Variants in CLNK observed in about 807,000 individuals in gnomAD.
The protein encoded by CLNK is cytokine-dependent hematopoietic cell linker.
CLNK carries 74 observed loss-of-function variants against 68.6 expected under a neutral mutation model. The observed-to-expected ratio is 1.08, with a 90% confidence interval of 0.89 to 1.31. The LOEUF is 1.31. CLNK is among the 50% of genes most tolerant of loss of function. The pLI is 0.00. For missense variants in CLNK, 553 were observed against 515.3 expected, an observed-to-expected ratio of 1.07 and a Z score of -0.71; for synonymous variants, 198 against 172.2, an observed-to-expected ratio of 1.15 and a Z score of -1.17.
chr4:10,626,240 C>G lies in CLNK; in HGVS notation c.12-28191G>C, dbSNP rs145866791. Among the ~76,000 whole-genome samples the G allele has an allele frequency of 3.6e-3, 554 of 152,320 alleles. 3 individuals carry two copies. Among genetic ancestry groups the G allele is most frequent in the African/African-American group, 9.5e-3 (395 of 41,580 alleles). On this transcript the variant is annotated intron_variant, in intron 2 of 18. Coordinates refer to ENST00000226951, the MANE Select transcript of CLNK (RefSeq NM_052964.4). The stretch of plus-strand genomic sequence containing the variant: ...CTGCATCTGTGGAGTGAGGTTTGCT[C>G]TGAGAGCAATGATCTGAGCAGCTTT...
At chr4:10,692,932 G>T in the CLNK span, among the ~76,000 whole-genome samples, 1 of 152,236 alleles carries the variant, frequency 6.6e-6, no homozygotes, top group Non-Finnish European at 1.5e-5. Flanking sequence ...TCCATACTAA[G>T]TCTTAGATCA....
the CLNK span, among the ~76,000 whole-genome samples, chr4:10,692,438 T>C: frequency 6.6e-6 from 1 of 152,160 alleles, no homozygotes; most frequent in South Asian, 2.1e-4. Context: ...CTGAACTTCT[T>C]TGCACAGCTT....
intron 2 of CLNK, among the ~76,000 whole-genome samples, chr4:10,666,735 A>G (rs1724410811): frequency 6.6e-6 from 1 of 152,234 alleles, no homozygotes; most frequent in Admixed American, 6.5e-5. Flanking sequence ...CACTCGGGTG[A>G]GGAGCCCATC....
the CLNK span, among the ~76,000 whole-genome samples, chr4:10,714,794 A>T: frequency 6.6e-6 from 1 of 152,114 alleles, no homozygotes; most frequent in Non-Finnish European, 1.5e-5. Context: ...CACTCTAGTT[A>T]ACAAAATCCT....
At position 10,615,343 on chromosome 4, in the gene CLNK, T is replaced by C. The variant is rs138287606; in HGVS notation, c.12-17294A>G. 5.5e-3 allele frequency among the ~76,000 whole-genome samples: 839 copies of C among 152,136 alleles called. 11 individuals are homozygous for C. The highest frequency in any genetic ancestry group is 0.019 in the African/African-American group (801 of 41,494). ...AAAAAATACACAAATTAGCCAGGCA[T>C]GGTGGCACATGCCTATAATCCCAGA... On this transcript the variant is annotated intron_variant, in intron 2 of 18. Transcript: ENST00000226951.
chr4:10,508,118 T>C, intron 16 of CLNK, 82 bp from the exon 17 acceptor site: 1 of 1,096,250 alleles, frequency 9.1e-7, no homozygotes, highest in South Asian at 1.4e-5. Flanking sequence ...AATTTACTTT[T>C]GCTCCACCAG....
the CLNK span, among the ~76,000 whole-genome samples, chr4:10,712,651 C>T: frequency 3.3e-5 from 5 of 152,216 alleles, no homozygotes; most frequent in Non-Finnish European, 5.9e-5. Context: ...GGCAACCAGC[C>T]ACTGTTTCTT....
At chr4:10,662,928 A>G (rs777081219) in intron 2 of CLNK, among the ~76,000 whole-genome samples, 1 of 152,230 alleles carries the variant, frequency 6.6e-6, no homozygotes, top group Non-Finnish European at 1.5e-5. Flanking sequence ...GACACTCTGG[A>G]GACCTTTGCT....
chr4:10,598,002 T>C lies in CLNK; in HGVS notation c.59A>G (p.Gln20Arg). The C allele has an allele frequency of 1.3e-6, 2 of 1,588,038 alleles. No individual in the cohort carries two copies. The highest frequency in any genetic ancestry group is 1.1e-5 in the South Asian group (1 of 86,968). Residue 20 changes from glutamine to arginine, a missense_variant, in exon 3 of 19, where the codon CAG becomes CGG. Transcript: ENST00000226951. ...CCTGTTTTTTGGCAGACTGAAGTTC[T>C]GGAATTTCAAATCGTTGGATCCTTC... The part of the protein sequence containing the change: ...TKEGSNDLKF[Q>R]NFSLPKNRSW...
the CLNK span, among the ~76,000 whole-genome samples, chr4:10,724,282 C>T: frequency 2.6e-5 from 4 of 152,084 alleles, no homozygotes; most frequent in Non-Finnish European, 5.9e-5. Flanking sequence ...GGATAACTCC[C>T]TCGCCTCCTC....
rs758783329 is a variant in CLNK at position 10,584,922 on chromosome 4, C to T, written c.112+5G>A. On this transcript the variant is annotated splice_donor_5th_base_variant and intron_variant, in intron 4 of 18. Coordinates refer to ENST00000226951, the MANE Select transcript of CLNK (RefSeq NM_052964.4). ...CCACTTAGGTGACAGAGAGCCCCGA[C>T]TCACCTGTGGCACTATTGATGCGAG... 6.2e-7 allele frequency: 1 copy of T among 1,613,656 alleles called. No individual in the cohort carries two copies. Among genetic ancestry groups the T allele is most frequent in the South Asian group, 1.1e-5 (1 of 90,984 alleles).
chr4:10,563,196 T>C (rs1187993897), intron 7 of CLNK, among the ~76,000 whole-genome samples: 2 of 152,210 alleles, frequency 1.3e-5, no homozygotes, highest in African/African-American at 4.8e-5. Flanking sequence ...ATATAAAATA[T>C]GTGAGGAATA....
the CLNK span, among the ~76,000 whole-genome samples, chr4:10,726,972 T>A: frequency 1.3e-5 from 2 of 152,176 alleles, no homozygotes; most frequent in African/African-American, 4.8e-5. Context: ...CGGGCCAAAA[T>A]GCAATAGGTA....
chr4:10,688,374 A>T (rs1019740533), upstream of CLNK, among the ~76,000 whole-genome samples: 9 of 152,266 alleles, frequency 5.9e-5, no homozygotes, highest in East Asian at 1.7e-3. Context: ...ATGTGGAAGA[A>T]TTACAGGGAG....
intron 2 of CLNK, among the ~76,000 whole-genome samples, chr4:10,635,380 G>A (rs114829459): frequency 1.2e-3 from 179 of 152,236 alleles, no homozygotes; most frequent in African/African-American, 4.2e-3. Context: ...GAGACTGATC[G>A]ACCCTGTCCA....
intron 14 of CLNK, among the ~76,000 whole-genome samples, chr4:10,524,815 C>T (rs962190949): frequency 1.1e-4 from 16 of 152,040 alleles, no homozygotes; most frequent in African/African-American, 2.4e-4. Flanking sequence ...GGAGCAAATA[C>T]GGGGGGAGGG....
intron 2 of CLNK, among the ~76,000 whole-genome samples, chr4:10,621,051 A>C (rs1722433030): frequency 6.6e-6 from 1 of 152,116 alleles, no homozygotes; most frequent in Non-Finnish European, 1.5e-5. Flanking sequence ...CAGAGCTTGC[A>C]GTGAGCCGAG....
chr4:10,702,167 A>G, the CLNK span, among the ~76,000 whole-genome samples: 4 of 152,222 alleles, frequency 2.6e-5, no homozygotes, highest in Non-Finnish European at 5.9e-5. Flanking sequence ...TCCATTTTCC[A>G]TGAGGTCATT....
intron 2 of CLNK, among the ~76,000 whole-genome samples, chr4:10,664,312 T>G (rs1243334900): frequency 6.6e-6 from 1 of 152,206 alleles, no homozygotes; most frequent in African/African-American, 2.4e-5. Flanking sequence ...GTTTAAAGCC[T>G]CCCTGATGAT....
Sources: allele counts gnomAD v4.1 joint callset (sites outside exome capture counted in the v4.1 genomes callset), GRCh38; gene constraint gnomAD v4.1.1; transcripts MANE v1.5; gene names NCBI Gene and HGNC (gene_info 2026-07-23, HGNC 2026-07-21).